The following NSF variants were observed in gnomAD, a reference collection of about 807,000 sequenced individuals.
NSF encodes vesicle-fusing ATPase.
In NSF, 14 loss-of-function variants were observed where a neutral mutation model predicts 50.3. The observed-to-expected ratio is 0.28, with a 90% CI of 0.18 to 0.44. The LOEUF (loss-of-function observed/expected upper bound fraction) is 0.44, where lower values mean the gene tolerates loss of function less well. Ranked by LOEUF, NSF falls within the 20% of genes least tolerant of loss-of-function variation. The pLI is 1.00. For missense variants in NSF, 218 were observed against 504.3 expected (o/e 0.43, Z 5.44); for synonymous variants, 109 against 175.7 (o/e 0.62, Z 3.00).
At chr17:46,747,365 C>T (rs1034282068) in intron 17 of NSF, among the ~76,000 whole-genome samples, 5 of 152,188 alleles carry the variant, frequency 3.3e-5, no homozygotes, top group Non-Finnish European at 7.4e-5. Flanking sequence ...ACTCCAGCCT[C>T]AAACTCCTTG....
chr17:46,738,756 A>G (rs2059035469), intron 17 of NSF, among the ~76,000 whole-genome samples: 1 of 152,244 alleles, frequency 6.6e-6, no homozygotes. Context: ...TTCATCTGCT[A>G]TAAATTAAGG....
intron 17 of NSF, among the ~76,000 whole-genome samples, chr17:46,732,667 C>T (rs1289476323): frequency 2.0e-5 from 3 of 152,156 alleles, no homozygotes; most frequent in South Asian, 4.1e-4. Context: ...AACATCATCA[C>T]ATTTTGTTTA....
chr17:46,704,707 A>C (rs2058641806), intron 12 of NSF, 52 bp from the exon 13 acceptor site: 2 of 1,583,122 alleles, frequency 1.3e-6, no homozygotes, highest in Admixed American at 3.8e-5. Flanking sequence ...ATATATTCTT[A>C]ACTATTCTTA....
intron 19 of NSF, among the ~76,000 whole-genome samples, chr17:46,753,016 G>A (rs1315183143): frequency 2.0e-5 from 3 of 152,168 alleles, no homozygotes; most frequent in Admixed American, 1.3e-4. Context: ...TGATCTGCCC[G>A]CCTCGGCCTC....
intron 19 of NSF, among the ~76,000 whole-genome samples, chr17:46,752,460 A>G (rs892152043): frequency 6.6e-6 from 1 of 151,944 alleles, no homozygotes; most frequent in African/African-American, 2.4e-5. Context: ...TTTTATTATT[A>G]TTATTATTAT....
intron 15 of NSF, among the ~76,000 whole-genome samples, chr17:46,714,669 T>C (rs75460388): frequency 0.97 from 148,491 of 152,336 alleles, 72,463 homozygotes; most frequent in East Asian, 1. Flanking sequence ...GATGAAGACT[T>C]TAAATGGCTG....
chr17:46,728,648 T>A (rs2058915901), intron 16 of NSF, among the ~76,000 whole-genome samples: 1 of 152,004 alleles, frequency 6.6e-6, no homozygotes, highest in Non-Finnish European at 1.5e-5. Flanking sequence ...TTTAGGTTAT[T>A]AGAGATATTT....
Position 46,752,883 on chromosome 17 carries a change from C to G in NSF, c.2157+1267C>G, listed in dbSNP as rs943161784. On this transcript the variant is annotated intron_variant, in intron 19 of 20. Transcript: ENST00000398238. ...CCGGGTTCAAGGGATTCTCCTGCCT[C>G]GGCCTCCTGAGTAGCTGGGATTACA... 6.6e-5 allele frequency among the ~76,000 whole-genome samples: 10 copies of G among 152,284 alleles called. No individual in the cohort carries two copies. In the East Asian group the frequency reaches 1.7e-3, roughly 26 times the overall value.
intron 17 of NSF, among the ~76,000 whole-genome samples, chr17:46,742,689 G>C (rs373432221): frequency 1.3e-5 from 2 of 152,262 alleles, no homozygotes; most frequent in African/African-American, 4.8e-5. Flanking sequence ...CTATGGAAGG[G>C]AAGAGCATTC....
intron 17 of NSF, among the ~76,000 whole-genome samples, chr17:46,737,539 T>A (rs567233603): frequency 2.7e-5 from 4 of 150,718 alleles, no homozygotes; most frequent in African/African-American, 9.7e-5. Flanking sequence ...AGATGATTGC[T>A]TTTTTCTAAT....
intron 17 of NSF, among the ~76,000 whole-genome samples, chr17:46,745,034 ACT>A (rs532727108): frequency 1.3e-4 from 10 of 77,244 alleles, no homozygotes; most frequent in African/African-American, 4.7e-4. Context: ...ATAGGTTATC[ACT>A]CTGTGCTTTT....
chr17:46,711,758 C>G (rs1183460424), intron 14 of NSF, among the ~76,000 whole-genome samples: 1 of 152,148 alleles, frequency 6.6e-6, no homozygotes, highest in Non-Finnish European at 1.5e-5. Flanking sequence ...CTAACTACCT[C>G]TAAAGGTCTG....
intron 11 of NSF, among the ~76,000 whole-genome samples, chr17:46,694,164 C>T (rs1217462212): frequency 2.2e-5 from 3 of 134,596 alleles, no homozygotes; most frequent in Non-Finnish European, 4.4e-5. Context: ...GCAGGTGGAT[C>T]ACTTGAGGCC....
At chr17:46,747,326 G>C (rs991419668) in intron 17 of NSF, among the ~76,000 whole-genome samples, 2 of 152,100 alleles carry the variant, frequency 1.3e-5, no homozygotes, top group African/African-American at 4.8e-5. Context: ...TGTCACCCAG[G>C]CAGGAGTGCA....
At chr17:46,729,642 A>G (rs2146298048) in intron 17 of NSF, among the ~76,000 whole-genome samples, 1 of 152,288 alleles carries the variant, frequency 6.6e-6, no homozygotes, top group South Asian at 2.1e-4. Flanking sequence ...ACCTTGAAAA[A>G]TGCCAATCAA....
At position 46,727,059 on chromosome 17, in the gene NSF, A is replaced by C. The variant is rs149671751; in HGVS notation, c.1828+444A>C. Among the ~76,000 whole-genome samples, 181 of 152,334 alleles carry C rather than the reference A, an allele frequency of 1.2e-3. 1 individual carries two copies. The highest frequency in any genetic ancestry group is 4.1e-3 in the African/African-American group (169 of 41,572). On this transcript the variant is annotated intron_variant, in intron 16 of 20. Coordinates refer to ENST00000398238, the MANE Select transcript of NSF (RefSeq NM_006178.4). ...AGAAGTTGTAAGCTCTCTGCACCTCAGTTTCTGCTCTTACAAAACAGAGAC... is the reference window on the plus strand; with the variant it reads ...AGAAGTTGTAAGCTCTCTGCACCTCCGTTTCTGCTCTTACAAAACAGAGAC...
At position 46,755,203 on chromosome 17, in the gene NSF, C is replaced by A. The variant is rs1027547106; in HGVS notation, c.2158-111C>A. On this transcript the variant is annotated intron_variant, in intron 19 of 20. Transcript: ENST00000398238. The stretch of plus-strand genomic sequence containing the variant: ...AAGGAGCAGGTAACACATTCAGTGA[C>A]CTAGCAGAGCATTGATGAAGTGTGA... 7 of 757,280 alleles carry A rather than the reference C, an allele frequency of 9.2e-6. No homozygotes were observed. The African/African-American group carries it at 1.0e-4, about 11-fold the overall frequency. The allele number at this position is 757,280 out of a possible 1,614,324, so 46.9% of individuals were successfully genotyped here. A position where few individuals can be genotyped will look rare whatever the true frequency, so the allele number is the denominator to read the frequency against.
chr17:46,757,206 TG>T lies in NSF; in HGVS notation c.*1386del, dbSNP rs905488182. ...CTTGGATGTCATATCTTCTTTGTTT[TG>T]GGTTTTCTTCCCTAGCTTATTTTGT... is the stretch of plus-strand genomic sequence containing the variant. On this transcript the variant is annotated 3_prime_UTR_variant, in exon 21 of 21. Coordinates refer to ENST00000398238, the MANE Select transcript of NSF (RefSeq NM_006178.4). 1.3e-5 allele frequency: 2 copies of T among 152,268 alleles called. No homozygotes were observed. The highest frequency in any genetic ancestry group is 6.5e-5 in the Admixed American group (1 of 15,282). 9.4% of individuals were successfully genotyped at this position (152,268 alleles called of 1,614,324 possible). A position where few individuals can be genotyped will look rare whatever the true frequency, so the allele number is the denominator to read the frequency against.
intron 19 of NSF, among the ~76,000 whole-genome samples, chr17:46,753,815 G>A (rs1452164337): frequency 6.6e-6 from 1 of 152,142 alleles, no homozygotes; most frequent in African/African-American, 2.4e-5. Context: ...CATGTCAAAT[G>A]GATTTCGTGC....
Sources: gnomAD v4.1 joint callset for allele counts (sites outside exome capture counted in the v4.1 genomes callset) on GRCh38, gnomAD v4.1.1 for gene constraint, MANE v1.5 for transcripts, NCBI Gene and HGNC (gene_info 2026-07-23, HGNC 2026-07-21) for gene names.